Variants in NBAS observed in about 807,000 individuals in gnomAD.
NBAS encodes the protein NAG/BC035112 fusion.
In NBAS, 219 loss-of-function variants were observed where a neutral mutation model predicts 302.5. That is an observed-to-expected ratio of 0.72 (90% CI 0.65 to 0.81). NBAS has a LOEUF of 0.81. NBAS is among the 30% of genes least tolerant of loss of function. The pLI is 0.00. For synonymous variants in NBAS, 1,118 were observed against 1,021.6 expected, an observed-to-expected ratio of 1.09 and a Z score of -1.80; for missense variants, 2,932 against 2,841.6, an observed-to-expected ratio of 1.03 and a Z score of -0.72.
Position 15,179,431 on chromosome 2 carries a change from A to G in NBAS, c.6712-315T>C, listed in dbSNP as rs1664717184. The G allele has an allele frequency of 9.4e-6, 3 of 320,446 alleles. No homozygotes were observed. In the South Asian group the frequency reaches 1.1e-4, roughly 11 times the overall value. 19.9% of individuals were successfully genotyped at this position (320,446 alleles called of 1,614,324 possible). ...AAACTCTCACAGCCCTAATTTCCTC[A>G]TAAGTAAAATGTATGTATTTATAGC... is the stretch of plus-strand genomic sequence containing the variant. On this transcript the variant is annotated intron_variant, in intron 50 of 51. Transcript: ENST00000281513.
chr2:15,262,675 C>T (rs1369088936), intron 44 of NBAS, among the ~76,000 whole-genome samples: 2 of 152,194 alleles, frequency 1.3e-5, no homozygotes, highest in Admixed American at 1.3e-4. Flanking sequence ...GAGCCTACAA[C>T]ATTAAACAAT....
chr2:15,047,401 G>C, the NBAS span, among the ~76,000 whole-genome samples: 1 of 151,970 alleles, frequency 6.6e-6, no homozygotes, highest in Non-Finnish European at 1.5e-5. Context: ...CTGGACCCCT[G>C]CAGGTGAAGG....
chr2:15,057,323 A>AAAAAT, the NBAS span, among the ~76,000 whole-genome samples: 2 of 151,654 alleles, frequency 1.3e-5, no homozygotes, highest in Admixed American at 1.3e-4. Context: ...TGAAAAAAAA[A>AAAAAT]AAAACTGTTG....
the NBAS span, among the ~76,000 whole-genome samples, chr2:15,130,856 C>T: frequency 6.6e-6 from 1 of 152,170 alleles, no homozygotes; most frequent in Admixed American, 6.5e-5. Flanking sequence ...ATTTCTAGAC[C>T]AGTGGGCTCC....
chr2:15,032,949 G>A, the NBAS span, among the ~76,000 whole-genome samples: 1 of 152,184 alleles, frequency 6.6e-6, no homozygotes, highest in Non-Finnish European at 1.5e-5. Flanking sequence ...ATAGGGGAAG[G>A]AGGTCACCTA....
chr2:15,286,974 G>A, intron 42 of NBAS, 99 bp downstream of exon 42: 1 of 1,007,448 alleles, frequency 9.9e-7, no homozygotes. Flanking sequence ...TAGATTAAAG[G>A]AAAACTAAAA....
intron 6 of NBAS, among the ~76,000 whole-genome samples, chr2:15,545,969 T>C (rs1664087202): frequency 6.6e-6 from 1 of 152,238 alleles, no homozygotes; most frequent in African/African-American, 2.4e-5. Flanking sequence ...AGTGGCTTGC[T>C]GCTCAGAGAT....
the NBAS span, among the ~76,000 whole-genome samples, chr2:14,844,311 G>T: frequency 6.6e-6 from 1 of 152,066 alleles, no homozygotes; most frequent in Non-Finnish European, 1.5e-5. Context: ...GGCCAGAAGG[G>T]AACTCACTGC....
the NBAS span, among the ~76,000 whole-genome samples, chr2:14,906,541 G>A: frequency 6.6e-6 from 1 of 152,086 alleles, no homozygotes; most frequent in African/African-American, 2.4e-5. Context: ...ACCTTTACTC[G>A]CTATTGTTCC....
At chr2:15,157,861 G>A in the NBAS span, among the ~76,000 whole-genome samples, 2 of 152,150 alleles carry the variant, frequency 1.3e-5, no homozygotes, top group African/African-American at 4.8e-5. Context: ...TTGCCTCTGT[G>A]TCCTCCTCTG....
At chr2:14,869,635 A>G in the NBAS span, among the ~76,000 whole-genome samples, 1 of 151,952 alleles carries the variant, frequency 6.6e-6, no homozygotes, top group Non-Finnish European at 1.5e-5. Flanking sequence ...ACCCTCAATC[A>G]GCACTCCTCC....
At chr2:15,366,208 T>G (rs929897350) in intron 32 of NBAS, among the ~76,000 whole-genome samples, 1 of 152,234 alleles carries the variant, frequency 6.6e-6, no homozygotes, top group Non-Finnish European at 1.5e-5. Flanking sequence ...TTGTTTTATA[T>G]GTAACTTTTC....
At chr2:15,475,377 A>G (rs570559397) in intron 14 of NBAS, among the ~76,000 whole-genome samples, 1 of 152,296 alleles carries the variant, frequency 6.6e-6, no homozygotes, top group East Asian at 1.9e-4. Context: ...TGGGTTAAAG[A>G]GTATTTTTCT....
intron 35 of NBAS, among the ~76,000 whole-genome samples, chr2:15,351,530 T>C (rs1673355170): frequency 1.3e-5 from 2 of 151,884 alleles, no homozygotes; most frequent in African/African-American, 2.4e-5. Flanking sequence ...TTCAAAAAAT[T>C]AGCCTGGTGT....
At chr2:14,818,031 G>T in the NBAS span, among the ~76,000 whole-genome samples, 1 of 151,932 alleles carries the variant, frequency 6.6e-6, no homozygotes. Flanking sequence ...TCCCACCCAC[G>T]AAGTTCACAA....
At chr2:15,124,049 G>C in the NBAS span, among the ~76,000 whole-genome samples, 1 of 152,182 alleles carries the variant, frequency 6.6e-6, no homozygotes. Context: ...TAGAGATATG[G>C]ACGGTGAATT....
At chr2:15,258,984 T>C (rs113233000) in intron 44 of NBAS, among the ~76,000 whole-genome samples, 3,289 of 152,250 alleles carry the variant, frequency 0.022, 82 homozygotes, top group South Asian at 0.056. Context: ...GTAAAATTCC[T>C]CTCTTTGTAC....
At chr2:15,550,465 A>G (rs1664323153) in intron 6 of NBAS, among the ~76,000 whole-genome samples, 1 of 152,152 alleles carries the variant, frequency 6.6e-6, no homozygotes, top group African/African-American at 2.4e-5. Context: ...CAACAATTAC[A>G]CTGTTAAACT....
chr2:15,443,404 CAT>C (rs1440892227), intron 21 of NBAS, among the ~76,000 whole-genome samples: 20 of 152,140 alleles, frequency 1.3e-4, no homozygotes, highest in South Asian at 1.2e-3. Context: ...ACAAAAACCA[CAT>C]GATTGTCTCA....
Sources: allele counts gnomAD v4.1 joint callset (sites outside exome capture counted in the v4.1 genomes callset), GRCh38; gene constraint gnomAD v4.1.1; transcripts MANE v1.5; gene names NCBI Gene and HGNC (gene_info 2026-07-23, HGNC 2026-07-21).